The following PTOV1 variants were observed in gnomAD, a reference collection of about 807,000 sequenced individuals.
The protein encoded by PTOV1 is PTOV1 extended AT-hook containing adaptor protein.
A neutral mutation model predicts 58.0 loss-of-function variants in PTOV1; 20 were observed. The observed-to-expected ratio is 0.34, with a 90% CI of 0.24 to 0.50. The LOEUF (loss-of-function observed/expected upper bound fraction) is 0.50, where lower values mean the gene tolerates loss of function less well. Among genes scored for constraint, PTOV1 ranks in the 20% least tolerant of loss-of-function variants. PTOV1 has a pLI of 0.98. For synonymous variants in PTOV1, 335 were observed against 234.2 expected (o/e 1.43, Z -3.93); for missense variants, 593 against 565.4 (o/e 1.05, Z -0.50).
At chr19:49,855,006 G>A in exon 5 of PTOV1, 1 of 1,600,782 alleles carries the variant, frequency 6.2e-7, no homozygotes, top group Admixed American at 1.7e-5. Context: ...CTCCCAGTTG[G>A]CACAGTTCCA....
At chr19:49,859,988 C>T (rs765402829) in exon 11 of PTOV1, 23 of 1,613,928 alleles carry the variant, frequency 1.4e-5, no homozygotes, top group South Asian at 2.2e-5. Flanking sequence ...CCTGCCAGGC[C>T]GGCTGCGTGC....
At chr19:49,851,356 C>A in exon 1 of PTOV1, 1 of 1,106,960 alleles carries the variant, frequency 9.0e-7, no homozygotes, top group Non-Finnish European at 1.1e-6. Flanking sequence ...TGCCCCGTAC[C>A]GCTCCGGCGC....
intron 6 of PTOV1, 72 bp from the exon 7 acceptor site, chr19:49,857,612 GAGGGATGGC>G (rs1198915091): frequency 7.5e-7 from 1 of 1,327,812 alleles, no homozygotes; most frequent in East Asian, 2.4e-5. Flanking sequence ...GGCTCGGAGG[GAGGGATGGC>G]AGGCCCCAGG....
intron 9 of PTOV1, 191 bp downstream of exon 9, chr19:49,858,305 T>G: frequency 1.2e-6 from 1 of 804,958 alleles, no homozygotes; most frequent in East Asian, 2.7e-5. Flanking sequence ...AGCTGGTGGC[T>G]GTGCAGGGAC....
intron 1 of PTOV1, chr19:49,852,879 C>T (rs562619093): frequency 7.2e-5 from 11 of 152,354 alleles, no homozygotes; most frequent in African/African-American, 2.6e-4. Flanking sequence ...TCTCGAAAGT[C>T]ACCTCCAGCT....
chr19:49,858,234 G>A (rs2074569232), intron 9 of PTOV1, 120 bp downstream of exon 9: 3 of 1,293,752 alleles, frequency 2.3e-6, no homozygotes, highest in Admixed American at 2.2e-5. Context: ...GGAGCTGAGG[G>A]TGCTGAAGCA....
intron 3 of PTOV1, 43 bp from the exon 4 acceptor site, chr19:49,854,788 G>C (rs749720183): frequency 6.2e-7 from 1 of 1,613,174 alleles, no homozygotes; most frequent in South Asian, 1.1e-5. Flanking sequence ...GGCTGTGGCC[G>C]TGGGGATCAG....
At chr19:49,852,010 G>A (rs554878295) in intron 1 of PTOV1, 1 of 985,508 alleles carries the variant, frequency 1.0e-6, no homozygotes, top group African/African-American at 1.7e-5. Context: ...CCACATGTGG[G>A]ATGCTTTGAT....
chr19:49,853,881 G>A (rs2074355724), intron 1 of PTOV1, among the ~76,000 whole-genome samples: 1 of 152,212 alleles, frequency 6.6e-6, no homozygotes, highest in Non-Finnish European at 1.5e-5. Context: ...CAGAGAGGTG[G>A]GCACTGGCCT....
chr19:49,860,145 C>G (rs757282522), exon 11 of PTOV1: 3 of 1,614,218 alleles, frequency 1.9e-6, no homozygotes, highest in Non-Finnish European at 2.5e-6. Context: ...GCAGCAGGTC[C>G]TGCAGCGGAA....
In PTOV1 at chr19:49,860,190, T is replaced by C. The variant is rs1264282117; in HGVS notation, c.1239+7T>C. ...GGAGCAACAGCAACGAGGGGTGAGG[T>C]GGCCGGCCTCCAGGGCTGCTCAGTC... On this transcript the variant is annotated splice_region_variant and intron_variant, in intron 11 of 11. Transcript: ENST00000391842. 3 of 1,613,890 alleles carry C rather than the reference T, an allele frequency of 1.9e-6. No homozygotes were observed. Among genetic ancestry groups the C allele is most frequent in the Non-Finnish European group, 1.7e-6 (2 of 1,179,958 alleles).
exon 12 of PTOV1, chr19:49,860,474 GTCGGGAAACTGC>G: frequency 2.4e-6 from 2 of 841,234 alleles, no homozygotes; most frequent in Non-Finnish European, 3.6e-6. Context: ...GTCCTAGGCT[GTCGGGAAACTGC>G]AGCCCAGCCT....
At chr19:49,857,277 T>G (rs1228825051) in intron 6 of PTOV1, 147 bp downstream of exon 6, 1 of 1,176,244 alleles carries the variant, frequency 8.5e-7, no homozygotes, top group Non-Finnish European at 1.2e-6. Flanking sequence ...GCCGGGCGGG[T>G]TCCCACCAGG....
At chr19:49,854,261 GC>G in intron 1 of PTOV1, 144 bp from the exon 2 acceptor site, 2 of 1,081,148 alleles carry the variant, frequency 1.8e-6, no homozygotes, top group South Asian at 3.0e-5. Flanking sequence ...TGAGGGGTGA[GC>G]AGAGGGTTTG....
At chr19:49,854,100 G>C (rs1007616743) in intron 1 of PTOV1, among the ~76,000 whole-genome samples, 7 of 152,236 alleles carry the variant, frequency 4.6e-5, no homozygotes, top group African/African-American at 1.7e-4. Context: ...GAATCGATCA[G>C]GCGCACAGCT....
In PTOV1 at chr19:49,857,499, T is replaced by G. The variant is rs541695112; in HGVS notation, c.715-194T>G. On this transcript the variant is annotated intron_variant, in intron 6 of 11. Coordinates refer to ENST00000391842, the Ensembl canonical transcript of PTOV1. ...TGTGCACCAGGTGAGGGCCGGGACC[T>G]GTCTCAGGCCACTGGGGAGCCATGG... The G allele has an allele frequency of 2.7e-4, 172 of 640,952 alleles. No homozygotes were observed. The African/African-American group carries it at 2.9e-3, about 11-fold the overall frequency. 39.7% of individuals were successfully genotyped at this position (640,952 alleles called of 1,614,324 possible). A position where few individuals can be genotyped will look rare whatever the true frequency, so the allele number is the denominator to read the frequency against.
At chr19:49,856,210 T>C (rs1355584564) in intron 5 of PTOV1, 1 of 152,176 alleles carries the variant, frequency 6.6e-6, no homozygotes, top group Non-Finnish European at 1.5e-5. Flanking sequence ...GAGTACCCAG[T>C]CTGTAGGGAA....
At chr19:49,856,919 G>T in intron 5 of PTOV1, 56 bp from the exon 6 acceptor site, 1 of 1,599,882 alleles carries the variant, frequency 6.3e-7, no homozygotes, top group East Asian at 2.2e-5. Context: ...CCAGGGTGGT[G>T]GGGGCACAGT....
chr19:49,851,417 G>C, exon 1 of PTOV1: 1 of 1,205,420 alleles, frequency 8.3e-7, no homozygotes, highest in Non-Finnish European at 1.0e-6. Context: ...CTCGTGGTGC[G>C]CGCCGTCCGC....
Sources: gnomAD v4.1 joint callset for allele counts (sites outside exome capture counted in the v4.1 genomes callset) on GRCh38, gnomAD v4.1.1 for gene constraint, MANE v1.5 for transcripts, NCBI Gene and HGNC (gene_info 2026-07-23, HGNC 2026-07-21) for gene names.